Variants in GLIS1 observed in about 807,000 individuals in gnomAD.
GLIS1 encodes the protein GLIS family zinc finger 1, also known as zinc finger protein GLIS1.
Under a neutral mutation model 63.8 loss-of-function variants are expected in GLIS1, and 24 were observed. The ratio of observed to expected loss-of-function variants is 0.38; its 90% confidence interval spans 0.27 to 0.53. GLIS1 has a LOEUF of 0.53. GLIS1 is among the 20% of genes least tolerant of loss of function. The pLI, the probability that GLIS1 is intolerant of heterozygous loss-of-function variation, is 0.85. For synonymous variants in GLIS1, 450 were observed against 482.5 expected, an observed-to-expected ratio of 0.93 and a Z score of 0.88; for missense variants, 1,036 against 1,074.1, an observed-to-expected ratio of 0.96 and a Z score of 0.50.
chr1:53,665,202 C>G (rs1040128473), intron 2 of GLIS1, among the ~76,000 whole-genome samples: 1 of 151,968 alleles, frequency 6.6e-6, no homozygotes, highest in Non-Finnish European at 1.5e-5. Flanking sequence ...CCTGTGTTGT[C>G]AGGAAAGAGC....
At chr1:53,644,599 T>G in intron 2 of GLIS1, among the ~76,000 whole-genome samples, 1 of 151,844 alleles carries the variant, frequency 6.6e-6, no homozygotes, top group Non-Finnish European at 1.5e-5. Context: ...GGTGCTGGGG[T>G]AGGGCAGGGT....
rs1644617150 is a variant in GLIS1 at position 53,539,400 on chromosome 1, C to T, written c.1321-9448G>A. Reference sequence around the variant, plus strand: ...CATATCATACCACACACACACTCCACAGCACATGAATGCACACCCCACACA... The same window carrying T: ...CATATCATACCACACACACACTCCATAGCACATGAATGCACACCCCACACA... On this transcript the variant is annotated intron_variant, in intron 4 of 10. Coordinates refer to ENST00000628545, the MANE Select transcript of GLIS1 (RefSeq NM_001367484.1). The surrounding 1 kb of genome is among the most constrained non-coding windows in gnomAD (Gnocchi z 5.0). Among the ~76,000 whole-genome samples, 1 of 151,524 alleles carries T rather than the reference C, an allele frequency of 6.6e-6. No individual in the cohort carries two copies. Among genetic ancestry groups the T allele is most frequent in the Non-Finnish European group, 1.5e-5 (1 of 67,838 alleles).
chr1:53,690,294 G>A (rs568656953), intron 2 of GLIS1, among the ~76,000 whole-genome samples: 37 of 152,340 alleles, frequency 2.4e-4, no homozygotes, highest in African/African-American at 7.2e-4. Flanking sequence ...CCCAGGCTCC[G>A]CTGCCCCCAT....
rs533505388 is a variant in GLIS1 at position 53,686,963 on chromosome 1, C to A, written c.259+50843G>T. On this transcript the variant is annotated intron_variant, in intron 2 of 10. Transcript: ENST00000628545. ...CTGACAGTGTTGAGCCCTTTCTTTG[C>A]CCTGGTACACAGTGGATTCCAGAGC... 2.8e-4 allele frequency among the ~76,000 whole-genome samples: 42 copies of A among 152,300 alleles called. No homozygotes were observed. In the South Asian group the frequency reaches 8.3e-3, roughly 30 times the overall value.
intron 2 of GLIS1, among the ~76,000 whole-genome samples, chr1:53,637,662 G>A (rs1335564760): frequency 1.3e-5 from 2 of 152,076 alleles, no homozygotes; most frequent in Non-Finnish European, 2.9e-5. Flanking sequence ...AATAATACCC[G>A]CAGGGCCTAG....
Position 53,583,979 on chromosome 1 carries a change from C to T in GLIS1, c.1320+10129G>A, listed in dbSNP as rs534852488. Reference sequence around the variant, plus strand: ...CATGTGCAGACACTGTGCCCCAGCACGACACACTAGGCTGACCTGGCCTGG... The same window carrying T: ...CATGTGCAGACACTGTGCCCCAGCATGACACACTAGGCTGACCTGGCCTGG... On this transcript the variant is annotated intron_variant, in intron 4 of 10. Coordinates refer to ENST00000628545, the MANE Select transcript of GLIS1 (RefSeq NM_001367484.1). Among the ~76,000 whole-genome samples the T allele has an allele frequency of 4.1e-4, 63 of 152,318 alleles. 1 individual carries two copies. Among genetic ancestry groups the T allele is most frequent in the Admixed American group, 9.1e-4 (14 of 15,306 alleles).
intron 4 of GLIS1, among the ~76,000 whole-genome samples, chr1:53,534,578 C>A (rs902753495): frequency 1.3e-5 from 2 of 152,078 alleles, no homozygotes; most frequent in Non-Finnish European, 2.9e-5. Context: ...ACTGCCATCT[C>A]TCCTGAGAAA....
chr1:53,555,438 G>C (rs1183015357), intron 4 of GLIS1, among the ~76,000 whole-genome samples: 1 of 152,164 alleles, frequency 6.6e-6, no homozygotes, highest in African/African-American at 2.4e-5. Flanking sequence ...GCTGAGGCAG[G>C]AGAATCACCT....
intron 2 of GLIS1, among the ~76,000 whole-genome samples, chr1:53,601,903 G>A (rs1312172405): frequency 6.6e-6 from 1 of 152,214 alleles, no homozygotes; most frequent in African/African-American, 2.4e-5. Context: ...ATGTGCCATA[G>A]CTCTGGACAG....
intron 2 of GLIS1, among the ~76,000 whole-genome samples, chr1:53,659,491 G>A (rs527958807): frequency 1.3e-5 from 2 of 152,338 alleles, no homozygotes; most frequent in African/African-American, 4.8e-5. Flanking sequence ...GCCCAGAGAA[G>A]CCAAAGGACT....
intron 2 of GLIS1, among the ~76,000 whole-genome samples, chr1:53,627,371 T>C (rs986507806): frequency 6.6e-6 from 1 of 152,152 alleles, no homozygotes; most frequent in African/African-American, 2.4e-5. Flanking sequence ...GAGCGAACTT[T>C]CAAGTTATCT....
At chr1:53,507,525 G>A (rs967992823) in intron 10 of GLIS1, among the ~76,000 whole-genome samples, 1 of 152,232 alleles carries the variant, frequency 6.6e-6, no homozygotes, top group Non-Finnish European at 1.5e-5. Context: ...CGAAAGGCCT[G>A]CCAATGAGCT....
intron 2 of GLIS1, among the ~76,000 whole-genome samples, chr1:53,649,241 C>T (rs1314975160): frequency 2.6e-5 from 4 of 152,208 alleles, no homozygotes; most frequent in Non-Finnish European, 4.4e-5. Flanking sequence ...TCTGTGCACA[C>T]AGTTACAAAC....
At chr1:53,567,374 C>T (rs1644944520) in intron 4 of GLIS1, among the ~76,000 whole-genome samples, 1 of 152,072 alleles carries the variant, frequency 6.6e-6, no homozygotes. Context: ...TATGTATTTA[C>T]AAAGAGATGG....
intron 2 of GLIS1, among the ~76,000 whole-genome samples, chr1:53,705,839 G>A (rs932140147): frequency 6.6e-6 from 1 of 152,136 alleles, no homozygotes; most frequent in African/African-American, 2.4e-5. Flanking sequence ...GGCTAATCCT[G>A]CCACTGAGCT....
intron 6 of GLIS1, among the ~76,000 whole-genome samples, chr1:53,524,220 G>C (rs998034015): frequency 6.6e-6 from 1 of 152,176 alleles, no homozygotes; most frequent in Non-Finnish European, 1.5e-5. Flanking sequence ...AGCAAGCCCC[G>C]CGGGCCCACT....
intron 2 of GLIS1, among the ~76,000 whole-genome samples, chr1:53,726,522 T>C (rs547103472): frequency 8.3e-4 from 126 of 152,218 alleles, no homozygotes; most frequent in African/African-American, 3.0e-3. Context: ...GTAATTCCTC[T>C]GGATATTGGA....
chr1:53,619,204 G>C (rs1301886559), intron 2 of GLIS1, among the ~76,000 whole-genome samples: 2 of 152,218 alleles, frequency 1.3e-5, no homozygotes, highest in African/African-American at 4.8e-5. Context: ...ATGGGCCAAA[G>C]AGAACACCCA....
chr1:53,522,590 G>A (rs1008200151), intron 6 of GLIS1, among the ~76,000 whole-genome samples: 7 of 152,180 alleles, frequency 4.6e-5, no homozygotes, highest in African/African-American at 1.7e-4. Flanking sequence ...ATGATGCTGG[G>A]CTGGTTTGTT....
Sources: gnomAD v4.1 joint callset for allele counts (sites outside exome capture counted in the v4.1 genomes callset) on GRCh38, gnomAD v4.1.1 for gene constraint, Gnocchi (gnomAD v3.1) non-coding constraint, MANE v1.5 for transcripts, NCBI Gene and HGNC (gene_info 2026-07-23, HGNC 2026-07-21) for gene names.